PARD3: variants seen among roughly 807,000 people sequenced by gnomAD.
PARD3 encodes par-3 family cell polarity regulator, also known as partitioning defective 3 homolog.
In PARD3, 75 loss-of-function variants were observed where a neutral mutation model predicts 155.4. The ratio of observed to expected loss-of-function variants is 0.48; its 90% CI spans 0.40 to 0.58. The LOEUF is 0.58. Among genes scored for constraint, PARD3 ranks in the 20% least tolerant of loss-of-function variants. The pLI is 0.00. For synonymous variants in PARD3, 576 were observed against 610.5 expected, an observed-to-expected ratio of 0.94 and a Z score of 0.83; for missense variants, 1,642 against 1,721.7, an observed-to-expected ratio of 0.95 and a Z score of 0.82.
chr10:34,632,348 C>A (rs140314294), intron 2 of PARD3, among the ~76,000 whole-genome samples: 1 of 152,202 alleles, frequency 6.6e-6, no homozygotes, highest in African/African-American at 2.4e-5. Context: ...GAAGTACTCC[C>A]AGAATCCAGC....
rs949065359 is a variant in PARD3 at position 34,269,647 on chromosome 10, T to C, written c.3419+10A>G. 2 of 1,612,548 alleles carry C rather than the reference T, an allele frequency of 1.2e-6. No individual in the cohort carries two copies. The highest frequency in any genetic ancestry group is 1.7e-6 in the Non-Finnish European group (2 of 1,178,772). ...TTGGAAGCAATACCACGATTGCCCCTGGCGCCTACCTGTCTACAGGTGAGG... is the reference window on the plus strand; with the variant it reads ...TTGGAAGCAATACCACGATTGCCCCCGGCGCCTACCTGTCTACAGGTGAGG... On this transcript the variant is annotated intron_variant, in intron 22 of 24. Coordinates refer to ENST00000374788, the MANE Select transcript of PARD3 (RefSeq NM_001184785.2).
intron 1 of PARD3, among the ~76,000 whole-genome samples, chr10:34,742,711 G>A (rs1037053011): frequency 8.5e-5 from 13 of 152,186 alleles, no homozygotes; most frequent in Non-Finnish European, 1.5e-5. Context: ...CTACTAGGGA[G>A]TAAAACGTCA....
chr10:34,248,442 C>T (rs1489701046), intron 22 of PARD3, among the ~76,000 whole-genome samples: 1 of 152,218 alleles, frequency 6.6e-6, no homozygotes, highest in Non-Finnish European at 1.5e-5. Context: ...GCTTCTAACA[C>T]AGATCATGAT....
intron 10 of PARD3, among the ~76,000 whole-genome samples, 191 bp from the exon 11 acceptor site, chr10:34,375,193 C>T (rs1841102212): frequency 6.6e-6 from 1 of 151,908 alleles, no homozygotes; most frequent in Non-Finnish European, 1.5e-5. Context: ...AATAAAGAAA[C>T]TAAGACCAGA....
chr10:34,759,824 A>G lies in PARD3; in HGVS notation c.120+55052T>C, dbSNP rs113598876. 9.2e-3 allele frequency among the ~76,000 whole-genome samples: 1,406 copies of G among 152,360 alleles called. 26 individuals are homozygous for G. The highest frequency in any genetic ancestry group is 0.032 in the African/African-American group (1,313 of 41,580). Reference sequence around the variant, plus strand: ...CACTTTATTCCACATGTGGAATAAGAGACAAACTGCCTTATGGCTTAATTT... The same window carrying G: ...CACTTTATTCCACATGTGGAATAAGGGACAAACTGCCTTATGGCTTAATTT... On this transcript the variant is annotated intron_variant, in intron 1 of 24. Transcript: ENST00000374788.
intron 2 of PARD3, among the ~76,000 whole-genome samples, chr10:34,521,998 G>C (rs2082176078): frequency 6.6e-6 from 1 of 152,134 alleles, no homozygotes; most frequent in African/African-American, 2.4e-5. Context: ...GGTGGTTGTG[G>C]GTAGACAGAA....
chr10:34,612,101 C>T (rs1443125134), intron 2 of PARD3, among the ~76,000 whole-genome samples: 1 of 152,164 alleles, frequency 6.6e-6, no homozygotes, highest in African/African-American at 2.4e-5. Context: ...GCTCGGATTA[C>T]AGGCGTGAGC....
In PARD3 at chr10:34,354,832, A is replaced by G. The variant is rs117068937; in HGVS notation, c.2067+4315T>C. ...ATGGAGACTGGTTGATCCTGGAGAC[A>G]TGGAAAGCCTCTGAAGGGATTTCAG... On this transcript the variant is annotated intron_variant, in intron 14 of 24. Coordinates refer to ENST00000374788, the MANE Select transcript of PARD3 (RefSeq NM_001184785.2). Among the ~76,000 whole-genome samples, 265 of 152,278 alleles carry G rather than the reference A, an allele frequency of 1.7e-3. 3 individuals are homozygous for G. The East Asian group carries it at 0.037, about 21-fold the overall frequency.
intron 2 of PARD3, among the ~76,000 whole-genome samples, chr10:34,586,425 G>C (rs2088054084): frequency 6.6e-6 from 1 of 152,096 alleles, no homozygotes; most frequent in African/African-American, 2.4e-5. Flanking sequence ...GTAAAGGGAG[G>C]GGAAGGGGCA....
chr10:34,479,409 C>T (rs931715581), intron 3 of PARD3, among the ~76,000 whole-genome samples: 1 of 152,152 alleles, frequency 6.6e-6, no homozygotes, highest in Non-Finnish European at 1.5e-5. Flanking sequence ...GATCCGCCCA[C>T]CTCGGCCTCC....
chr10:34,136,074 G>A (rs1003964372), intron 22 of PARD3, among the ~76,000 whole-genome samples: 24 of 152,136 alleles, frequency 1.6e-4, no homozygotes, highest in African/African-American at 5.6e-4. Flanking sequence ...TCCATTGTTG[G>A]CTAGCCTGTA....
In PARD3 at chr10:34,489,295, T is replaced by C. The variant is rs1199030061; in HGVS notation, c.404-19032A>G. Among the ~76,000 whole-genome samples, 4 of 152,302 alleles carry C rather than the reference T, an allele frequency of 2.6e-5. No homozygotes were observed. The East Asian group carries it at 7.7e-4, about 29-fold the overall frequency. ...GAAGGCCAATAATCCCTCCAGGATG[T>C]TCCATTCTGGTGAGGACAGGACAAA... is the stretch of plus-strand genomic sequence containing the variant. On this transcript the variant is annotated intron_variant, in intron 3 of 24. Coordinates refer to ENST00000374788, the MANE Select transcript of PARD3 (RefSeq NM_001184785.2).
At chr10:34,448,101 G>A (rs1015090952) in intron 5 of PARD3, among the ~76,000 whole-genome samples, 6 of 151,582 alleles carry the variant, frequency 4.0e-5, no homozygotes, top group African/African-American at 1.2e-4. Context: ...ACCTGCAACC[G>A]ATGAATGGAT....
At chr10:34,242,274 C>T (rs967894050) in intron 22 of PARD3, among the ~76,000 whole-genome samples, 1 of 152,056 alleles carries the variant, frequency 6.6e-6, no homozygotes, top group African/African-American at 2.4e-5. Context: ...TATGATCATG[C>T]CTGTTTATAA....
intron 22 of PARD3, among the ~76,000 whole-genome samples, chr10:34,251,296 A>G (rs1024480675): frequency 5.3e-5 from 8 of 152,232 alleles, no homozygotes; most frequent in Non-Finnish European, 5.9e-5. Flanking sequence ...TCTGTGGCAA[A>G]CCTTTTAGCT....
In PARD3 at chr10:34,337,264, A is replaced by T. The variant is rs755384658; in HGVS notation, c.2560+11T>A. The T allele has an allele frequency of 1.3e-6, 2 of 1,536,950 alleles. No individual in the cohort carries two copies. The highest frequency in any genetic ancestry group is 1.8e-6 in the Non-Finnish European group (2 of 1,136,700). ...CTTATTTAGATAAAGATTCATGGAG[A>T]TTGTACTCACTACCTAAATCCATGC... On this transcript the variant is annotated intron_variant, in intron 17 of 24. Transcript: ENST00000374788.
At position 34,527,986 on chromosome 10, in the gene PARD3, C is replaced by T. The variant is rs547571834; in HGVS notation, c.223-10827G>A. ...AATTAGGCTCATTTTAATCAACTGG[C>T]AGGTTTATTCAAAAAGTAACTAAAT... is the stretch of plus-strand genomic sequence containing the variant. On this transcript the variant is annotated intron_variant, in intron 2 of 24. Coordinates refer to ENST00000374788, the MANE Select transcript of PARD3 (RefSeq NM_001184785.2). Among the ~76,000 whole-genome samples, 12 of 152,276 alleles carry T rather than the reference C, an allele frequency of 7.9e-5. No homozygotes were observed. The East Asian group carries it at 1.9e-3, about 24-fold the overall frequency.
chr10:34,435,204 G>A (rs925172544), intron 5 of PARD3, among the ~76,000 whole-genome samples: 1 of 152,026 alleles, frequency 6.6e-6, no homozygotes, highest in Non-Finnish European at 1.5e-5. Flanking sequence ...GAAAAAAAAA[G>A]GAAGTCACTG....
intron 12 of PARD3, among the ~76,000 whole-genome samples, chr10:34,366,708 GAGAA>G (rs1305641522): frequency 6.6e-6 from 1 of 152,106 alleles, no homozygotes; most frequent in Non-Finnish European, 1.5e-5. Context: ...TTTTAACTAA[GAGAA>G]AGATTTTTTA....
Sources: gnomAD v4.1 joint callset for allele counts (sites outside exome capture counted in the v4.1 genomes callset) on GRCh38, gnomAD v4.1.1 for gene constraint, MANE v1.5 for transcripts, NCBI Gene and HGNC (gene_info 2026-07-23, HGNC 2026-07-21) for gene names.